The following NT5C1A variants were observed in gnomAD, a reference collection of about 807,000 sequenced individuals.
NT5C1A encodes 5'-nucleotidase, cytosolic IA.
A neutral mutation model predicts 31.0 loss-of-function variants in NT5C1A; 18 were observed. That is an observed-to-expected ratio of 0.58 (90% CI 0.40 to 0.86). The LOEUF is 0.86. Among genes scored for constraint, NT5C1A ranks in the 40% least tolerant of loss-of-function variants. The pLI is 0.00. For synonymous variants in NT5C1A, 185 were observed against 203.6 expected (o/e 0.91, Z 0.78); for missense variants, 470 against 505.4 (o/e 0.93, Z 0.67).
intron 5 of NT5C1A, 115 bp downstream of exon 5, chr1:39,660,964 C>A: frequency 1.6e-6 from 1 of 629,042 alleles, no homozygotes; most frequent in Non-Finnish European, 2.9e-6. Context: ...GGGGACCAGG[C>A]TGGAATCTGG....
chr1:39,662,976 C>T (rs560918765), intron 4 of NT5C1A, among the ~76,000 whole-genome samples: 2 of 152,276 alleles, frequency 1.3e-5, no homozygotes, highest in South Asian at 4.1e-4. Flanking sequence ...TATGGTCCTA[C>T]AGGAATCAGA....
In NT5C1A at chr1:39,666,409, G is replaced by A. The variant is rs12039176; in HGVS notation, c.136-173C>T. 0.015 allele frequency among the ~76,000 whole-genome samples: 2,292 copies of A among 152,316 alleles called. 94 individuals carry two copies. In the East Asian group the frequency reaches 0.15, roughly 10 times the overall value. On this transcript the variant is annotated intron_variant, in intron 1 of 5. Transcript: ENST00000235628. ...CTTAGGTCAGGACCCCATCTATGAC[G>A]GACCCAGATGGGGGTTGAGAGAGGT...
intron 1 of NT5C1A, 93 bp downstream of exon 1, chr1:39,671,811 A>G (rs1339576875): frequency 2.7e-6 from 4 of 1,484,698 alleles, no homozygotes; most frequent in Middle Eastern, 1.7e-4. Flanking sequence ...CCCCTCCCAG[A>G]GGGGCGCCAC....
At chr1:39,660,656 G>A (rs1286532801) in intron 5 of NT5C1A, among the ~76,000 whole-genome samples, 1 of 152,102 alleles carries the variant, frequency 6.6e-6, no homozygotes, top group Non-Finnish European at 1.5e-5. Context: ...GGGATCTCAG[G>A]GAGGAAGTGA....
intron 3 of NT5C1A, among the ~76,000 whole-genome samples, chr1:39,664,492 T>TCCTCTCCTCC: frequency 1.7e-3 from 1 of 606 alleles, no homozygotes; most frequent in South Asian, 0.062. Flanking sequence ...GGATTTCTCC[T>TCCTCTCCTCC]CCTCTCCTCT....
chr1:39,662,759 C>G (rs192491175), intron 4 of NT5C1A, among the ~76,000 whole-genome samples: 2 of 152,226 alleles, frequency 1.3e-5, no homozygotes, highest in Admixed American at 1.3e-4. Context: ...ACTATGGATA[C>G]CACCCAAAAC....
rs909819173 is a variant in NT5C1A at position 39,657,712 on chromosome 1, C to T, written c.*1409G>A. Among the ~76,000 whole-genome samples, 4 of 152,188 alleles carry T rather than the reference C, an allele frequency of 2.6e-5. No individual in the cohort carries two copies. Among genetic ancestry groups the T allele is most frequent in the African/African-American group, 9.7e-5 (4 of 41,444 alleles). On this transcript the variant is annotated 3_prime_UTR_variant, in exon 6 of 6. Coordinates refer to ENST00000235628, the MANE Select transcript of NT5C1A (RefSeq NM_032526.3). ...GGGGCTCTTGCAAATGTGGAGGATC[C>T]GCTGATGCATTTCATGGGGAGGTTA...
intron 1 of NT5C1A, among the ~76,000 whole-genome samples, chr1:39,668,736 G>T (rs1206984158): frequency 1.3e-5 from 2 of 152,192 alleles, no homozygotes; most frequent in Non-Finnish European, 2.9e-5. Flanking sequence ...TGGGAGAAAT[G>T]ATCAGGGCGT....
intron 4 of NT5C1A, among the ~76,000 whole-genome samples, chr1:39,662,644 T>A (rs1322706425): frequency 6.6e-6 from 1 of 152,170 alleles, no homozygotes; most frequent in East Asian, 1.9e-4. Context: ...TTGCCACTAG[T>A]GTTCAGCCTA....
chr1:39,671,767 C>G (rs1646553453), intron 1 of NT5C1A, 137 bp downstream of exon 1: 1 of 1,026,200 alleles, frequency 9.7e-7, no homozygotes, highest in Non-Finnish European at 1.4e-6. Flanking sequence ...CCCGCGCCAG[C>G]TGCAGGGCGC....
intron 5 of NT5C1A, among the ~76,000 whole-genome samples, chr1:39,660,286 T>G (rs1204014089): frequency 6.6e-6 from 1 of 152,168 alleles, no homozygotes; most frequent in African/African-American, 2.4e-5. Context: ...CCTGCTGAGC[T>G]CTTGGAGAGG....
At chr1:39,659,948 C>T (rs1646484709) in intron 5 of NT5C1A, among the ~76,000 whole-genome samples, 1 of 152,176 alleles carries the variant, frequency 6.6e-6, no homozygotes, top group Non-Finnish European at 1.5e-5. Flanking sequence ...ACCCAGGTGG[C>T]TCAGGGTGTC....
At chr1:39,665,437 A>G in intron 3 of NT5C1A, 84 bp downstream of exon 3, 1 of 1,401,058 alleles carries the variant, frequency 7.1e-7, no homozygotes, top group African/African-American at 1.4e-5. Context: ...GTACAACTCC[A>G]TCCTGCAGAG....
chr1:39,664,511 CTCCTT>C (rs1355004176), intron 3 of NT5C1A, among the ~76,000 whole-genome samples: 2 of 94,788 alleles, frequency 2.1e-5, no homozygotes, highest in Non-Finnish European at 2.1e-5. Flanking sequence ...CTCCTCTCCT[CTCCTT>C]TCCATCTCAC....
chr1:39,664,355 G>A (rs1157797102), intron 3 of NT5C1A, among the ~76,000 whole-genome samples: 2 of 147,880 alleles, frequency 1.4e-5, no homozygotes, highest in Non-Finnish European at 3.0e-5. Flanking sequence ...GCCGTTTCAC[G>A]GTGTTAGCAA....
rs779492164 is a variant in NT5C1A, at chr1:39,659,444, T to C, written c.784A>G (p.Lys262Glu). ...CGCAGGCCTTTGGAGTAGAACTTCTTCTGCAACCTACCCAGTGCCTCCAGA... is the reference window on the plus strand; with the variant it reads ...CGCAGGCCTTTGGAGTAGAACTTCTCCTGCAACCTACCCAGTGCCTCCAGA... The part of the protein sequence containing the change: ...GFLEALGRLQ[K>E]KFYSKGLRLE... Residue 262 changes from lysine (K) to glutamate (E), a missense_variant, in exon 6 of 6, where the codon AAG (lysine) becomes GAG (glutamate). Transcript: ENST00000235628. The C allele has an allele frequency of 4.4e-6, 7 of 1,604,270 alleles. No individual in the cohort carries two copies. The highest frequency in any genetic ancestry group is 6.0e-6 in the Non-Finnish European group (7 of 1,173,866).
rs61024293 is a variant in NT5C1A at position 39,652,030 on chromosome 1, C to CAAAAAAAAAAAAA, written c.*7078_*7090dup. Among the ~76,000 whole-genome samples the CAAAAAAAAAAAAA allele has an allele frequency of 2.1e-4, 8 of 37,854 alleles. No individual in the cohort carries two copies. Among genetic ancestry groups the CAAAAAAAAAAAAA allele is most frequent in the South Asian group, 1.7e-3 (1 of 604 alleles). 24.8% of individuals were successfully genotyped at this position (37,854 alleles called of 152,430 possible). A position where few individuals can be genotyped will look rare whatever the true frequency, so the allele number is the denominator to read the frequency against. ...TGAGTGACAGAGCAAGACTCCGTCTCAAAAAAAAAAAAAAAAAAAAAAAAA... is the reference window on the plus strand; with the variant it reads ...TGAGTGACAGAGCAAGACTCCGTCTCAAAAAAAAAAAAAAAAAAAAAAAAAAAAAAAAAAAAAA... On this transcript the variant is annotated 3_prime_UTR_variant, in exon 6 of 6. Transcript: ENST00000235628.
At chr1:39,668,901 G>A (rs1646536752) in intron 1 of NT5C1A, among the ~76,000 whole-genome samples, 1 of 152,218 alleles carries the variant, frequency 6.6e-6, no homozygotes, top group African/African-American at 2.4e-5. Context: ...TAAGAAATAT[G>A]GATCCCAGCT....
At chr1:39,667,042 G>C (rs919100555) in intron 1 of NT5C1A, among the ~76,000 whole-genome samples, 7 of 152,208 alleles carry the variant, frequency 4.6e-5, no homozygotes, top group Non-Finnish European at 1.0e-4. Context: ...CCTCTTTAGT[G>C]GTGCACACTA....
Sources: allele counts gnomAD v4.1 joint callset (sites outside exome capture counted in the v4.1 genomes callset), GRCh38; gene constraint gnomAD v4.1.1; transcripts MANE v1.5; gene names NCBI Gene and HGNC (gene_info 2026-07-23, HGNC 2026-07-21).